Variants in PPFIA2 observed in about 807,000 individuals in gnomAD.
PPFIA2 encodes the protein liprin-alpha-2.
In PPFIA2, 46 loss-of-function variants were observed where a neutral mutation model predicts 175.5. That is an observed-to-expected ratio of 0.26 (90% CI 0.21 to 0.34). PPFIA2 has a LOEUF of 0.34. Among genes scored for constraint, PPFIA2 ranks in the 10% least tolerant of loss-of-function variants. The pLI is 1.00. For synonymous variants in PPFIA2, 568 were observed against 511.4 expected (o/e 1.11, Z -1.49); for missense variants, 1,179 against 1,506.1 (o/e 0.78, Z 3.60).
At chr12:81,687,081 C>T (rs2074526470) in intron 3 of PPFIA2, among the ~76,000 whole-genome samples, 1 of 152,000 alleles carries the variant, frequency 6.6e-6, no homozygotes, top group Non-Finnish European at 1.5e-5. Context: ...AACACACCCT[C>T]CAAGTGAGTC....
chr12:81,419,130 C>G (rs1340791398), intron 7 of PPFIA2, among the ~76,000 whole-genome samples: 1 of 151,890 alleles, frequency 6.6e-6, no homozygotes, highest in Non-Finnish European at 1.5e-5. Context: ...CTGATATGCC[C>G]TTGACATCCA....
chr12:81,541,103 T>TA (rs2066142539), intron 4 of PPFIA2, among the ~76,000 whole-genome samples: 1 of 152,130 alleles, frequency 6.6e-6, no homozygotes, highest in Admixed American at 6.6e-5. Context: ...AACTTACTTT[T>TA]TAAACATAAC....
At chr12:81,668,009 A>G (rs192551084) in intron 4 of PPFIA2, among the ~76,000 whole-genome samples, 8 of 152,174 alleles carry the variant, frequency 5.3e-5, no homozygotes, top group African/African-American at 1.7e-4. Flanking sequence ...GTGCCAAAAT[A>G]CTGGACTTCT....
chr12:81,435,730 A>G (rs940837131), intron 7 of PPFIA2, among the ~76,000 whole-genome samples: 1 of 152,018 alleles, frequency 6.6e-6, no homozygotes, highest in African/African-American at 2.4e-5. Flanking sequence ...GTATGAATAT[A>G]TCAAGATATC....
intron 16 of PPFIA2, among the ~76,000 whole-genome samples, chr12:81,355,979 G>T (rs777501917): frequency 6.6e-6 from 1 of 152,088 alleles, no homozygotes; most frequent in Non-Finnish European, 1.5e-5. Flanking sequence ...TTCCTTTGTA[G>T]TCACAACTTG....
At position 81,630,772 on chromosome 12, in the gene PPFIA2, T is replaced by C. The variant is rs1232532285; in HGVS notation, c.303+46019A>G. On this transcript the variant is annotated intron_variant, in intron 4 of 32. Transcript: ENST00000549396. ...CAACCTAGATCTATTTCAAACATAA[T>C]ATAAAAAGAAAAATAAATTTTTTCT... Among the ~76,000 whole-genome samples the C allele has an allele frequency of 2.6e-5, 4 of 151,134 alleles. No homozygotes were observed. The East Asian group carries it at 8.0e-4, about 30-fold the overall frequency.
intron 4 of PPFIA2, among the ~76,000 whole-genome samples, chr12:81,578,893 A>G (rs768924656): frequency 1.3e-5 from 2 of 151,818 alleles, no homozygotes; most frequent in Non-Finnish European, 1.5e-5. Context: ...TCTTAAATGA[A>G]GCACAAAGTA....
At chr12:81,295,571 G>A (rs2046251472) in intron 23 of PPFIA2, among the ~76,000 whole-genome samples, 1 of 152,172 alleles carries the variant, frequency 6.6e-6, no homozygotes, top group African/African-American at 2.4e-5. Flanking sequence ...AAAGATGTGT[G>A]AACTTAATTA....
At chr12:81,715,081 A>C (rs1366936716) in intron 3 of PPFIA2, among the ~76,000 whole-genome samples, 1 of 151,068 alleles carries the variant, frequency 6.6e-6, no homozygotes, top group Non-Finnish European at 1.5e-5. Flanking sequence ...AGGAGGTCAA[A>C]TTGTTAAAGA....
intron 4 of PPFIA2, among the ~76,000 whole-genome samples, chr12:81,558,454 C>A (rs1189125546): frequency 6.6e-6 from 1 of 152,104 alleles, no homozygotes; most frequent in Non-Finnish European, 1.5e-5. Flanking sequence ...AAAATTCAGG[C>A]AATCAAAATA....
At chr12:81,632,872 G>C (rs1416997541) in intron 4 of PPFIA2, among the ~76,000 whole-genome samples, 1 of 152,100 alleles carries the variant, frequency 6.6e-6, no homozygotes, top group Non-Finnish European at 1.5e-5. Context: ...TCTGTTCCCA[G>C]CCCTGTGGAC....
chr12:81,325,739 T>C lies in PPFIA2; in HGVS notation c.2642+38A>G, dbSNP rs528299908. ...CCTATAAATAATAATAAGGAATTGA[T>C]AAAAGTTAGAAAAAGAGGGAAAAAT... On this transcript the variant is annotated intron_variant, in intron 22 of 32. Transcript: ENST00000549396. The C allele has an allele frequency of 4.2e-4, 589 of 1,413,406 alleles. 6 individuals carry two copies. The South Asian group carries it at 5.6e-3, about 13-fold the overall frequency. The allele number at this position is 1,413,406 out of a possible 1,614,324, so 87.6% of individuals were successfully genotyped here. A position where few individuals can be genotyped will look rare whatever the true frequency, so the allele number is the denominator to read the frequency against.
At chr12:81,406,869 T>G (rs910206635) in intron 7 of PPFIA2, among the ~76,000 whole-genome samples, 1 of 152,198 alleles carries the variant, frequency 6.6e-6, no homozygotes, top group South Asian at 2.1e-4. Context: ...AAGACCAACA[T>G]GTCACAAGAC....
intron 4 of PPFIA2, among the ~76,000 whole-genome samples, chr12:81,497,282 A>G (rs2147265002): frequency 6.6e-6 from 1 of 152,270 alleles, no homozygotes; most frequent in African/African-American, 2.4e-5. Context: ...AGATCATTTT[A>G]TGATTATTTG....
intron 23 of PPFIA2, among the ~76,000 whole-genome samples, chr12:81,297,013 G>A (rs545834567): frequency 3.6e-4 from 55 of 152,204 alleles, no homozygotes; most frequent in African/African-American, 1.3e-3. Flanking sequence ...GTCCCCTCCC[G>A]CTGTCTCTTT....
At chr12:81,418,333 C>T (rs919955008) in intron 7 of PPFIA2, among the ~76,000 whole-genome samples, 40 of 151,808 alleles carry the variant, frequency 2.6e-4, no homozygotes, top group Non-Finnish European at 2.5e-4. Flanking sequence ...TACTTGCCAA[C>T]GCTAATTTCT....
intron 30 of PPFIA2, among the ~76,000 whole-genome samples, chr12:81,264,527 T>C (rs1462462060): frequency 6.6e-6 from 1 of 152,164 alleles, no homozygotes; most frequent in Non-Finnish European, 1.5e-5. Flanking sequence ...AATATCTCAT[T>C]TGATTTCATT....
Position 81,325,817 on chromosome 12 carries a change from G to A in PPFIA2, c.2602C>T (p.Leu868Phe). ...CGATCCTTCTCAGCTTGAGTTCCGA[G>A]TTTGCCTAACCCCAGGGACTCCTGA... ...AAQESLGLGK[L>F]GTQAEKDRRL... The change falls in exon 22 of 33, where the codon CTC becomes TTC. Residue 868 changes from leucine to phenylalanine, a missense_variant. Leu to Phe is a conservative substitution (Grantham distance 22). This residue lies in a region of PPFIA2 where 223 missense variants were observed against 241.6 expected (regional missense o/e 0.92). Coordinates refer to ENST00000549396, the MANE Select transcript of PPFIA2 (RefSeq NM_003625.5). 1 of 1,612,756 alleles carries A rather than the reference G, an allele frequency of 6.2e-7. No individual in the cohort carries two copies. The highest frequency in any genetic ancestry group is 8.5e-7 in the Non-Finnish European group (1 of 1,179,072).
At position 81,344,573 on chromosome 12, in the gene PPFIA2, T is replaced by A. The variant is rs553922004; in HGVS notation, c.2262+91A>T. 14 of 910,310 alleles carry A rather than the reference T, an allele frequency of 1.5e-5. No individual in the cohort carries two copies. The East Asian group carries it at 3.8e-4, about 25-fold the overall frequency. The allele number at this position is 910,310 out of a possible 1,614,324, so 56.4% of individuals were successfully genotyped here. ...ATACTCTCAACTTTTTAATGTTTTA[T>A]CAACATTCGACTAGAGGGAATATTA... On this transcript the variant is annotated intron_variant, in intron 19 of 32. Coordinates refer to ENST00000549396, the MANE Select transcript of PPFIA2 (RefSeq NM_003625.5).
Sources: gnomAD v4.1 joint callset for allele counts (sites outside exome capture counted in the v4.1 genomes callset) on GRCh38, gnomAD v4.1.1 for gene constraint, gnomAD v4.1.1 regional missense constraint, MANE v1.5 for transcripts, NCBI Gene and HGNC (gene_info 2026-07-23, HGNC 2026-07-21) for gene names.